SLC39A14: variants seen among roughly 807,000 people sequenced by gnomAD.
The protein encoded by SLC39A14 is metal cation symporter ZIP14.
A neutral mutation model predicts 45.5 loss-of-function variants in SLC39A14; 19 were observed. That is an observed-to-expected ratio of 0.42 (90% CI 0.29 to 0.61). SLC39A14 has a LOEUF of 0.61. Ranked by LOEUF, SLC39A14 falls within the 20% of genes least tolerant of loss-of-function variation. The pLI is 0.22. For synonymous variants in SLC39A14, 264 were observed against 251.3 expected, an observed-to-expected ratio of 1.05 and a Z score of -0.48; for missense variants, 447 against 616.5, an observed-to-expected ratio of 0.73 and a Z score of 2.91.
rs754927931 is a variant in SLC39A14 at position 22,416,289 on chromosome 8, G to T, written c.1147+9G>T. ...GTTCCCACATGAGCTAGGTAAGCGT[G>T]CGTCCCCCGTTCCACTGGTGCTCCC... On this transcript the variant is annotated intron_variant, in intron 7 of 8. Transcript: ENST00000381237. 6.2e-7 allele frequency: 1 copy of T among 1,611,796 alleles called. No homozygotes were observed. The highest frequency in any genetic ancestry group is 1.3e-5 in the African/African-American group (1 of 74,826).
At chr8:22,380,878 T>C (rs566873961) in intron 1 of SLC39A14, among the ~76,000 whole-genome samples, 13 of 152,164 alleles carry the variant, frequency 8.5e-5, no homozygotes, top group African/African-American at 2.9e-4. Flanking sequence ...GGTTTTGCCA[T>C]GTTGCGCACG....
downstream of SLC39A14, among the ~76,000 whole-genome samples, chr8:22,424,286 G>A (rs563317118): frequency 1.9e-4 from 29 of 152,250 alleles, no homozygotes; most frequent in African/African-American, 6.7e-4. Context: ...GACTTAAAAT[G>A]CTAAAGCTAT....
chr8:22,394,668 C>T (rs1488297885), intron 1 of SLC39A14, among the ~76,000 whole-genome samples: 1 of 152,128 alleles, frequency 6.6e-6, no homozygotes, highest in African/African-American at 2.4e-5. Flanking sequence ...ACCGTCAGTC[C>T]TCTTACCATA....
chr8:22,415,910 G>A lies in SLC39A14; in HGVS notation c.892G>A (p.Ala298Thr). 2 of 1,610,232 alleles carry A rather than the reference G, an allele frequency of 1.2e-6. No individual in the cohort carries two copies. Among genetic ancestry groups the A allele is most frequent in the East Asian group, 2.2e-5 (1 of 44,800 alleles). ...CTGCAGCAGTGAGCTGGACGGCAAG[G>A]CGCCCATGGTGGACGAGAAGGTCAT... ...QHCSSELDGK[A>T]PMVDEKVIVG... The change falls in exon 6 of 9, where the codon GCG (alanine) becomes ACG (threonine). Residue 298 changes from alanine to threonine, a missense_variant. Physicochemically the swap from Ala to Thr is moderately conservative, Grantham distance 58. Transcript: ENST00000381237.
At chr8:22,381,081 C>T (rs1025355463) in intron 1 of SLC39A14, among the ~76,000 whole-genome samples, 1 of 152,044 alleles carries the variant, frequency 6.6e-6, no homozygotes, top group South Asian at 2.1e-4. Context: ...TCAAGCGATT[C>T]TCCTGCCTCA....
intron 8 of SLC39A14, among the ~76,000 whole-genome samples, chr8:22,418,408 T>C (rs1836017864): frequency 6.6e-6 from 1 of 152,204 alleles, no homozygotes; most frequent in African/African-American, 2.4e-5. Context: ...GGAATGGCTG[T>C]ATATAGATAA....
In SLC39A14 at chr8:22,421,294, G is replaced by A. The variant is rs769558518; in HGVS notation, c.*1596G>A. On this transcript the variant is annotated 3_prime_UTR_variant, in exon 9 of 9. Coordinates refer to ENST00000381237, the MANE Select transcript of SLC39A14 (RefSeq NM_001128431.4). ...CTCTCAGTAATCACAAGCAGCATCC[G>A]TTTTGTTTTCTCTTCTTGGGAGACA... 3.6e-5 allele frequency: 35 copies of A among 985,800 alleles called. No homozygotes were observed. The highest frequency in any genetic ancestry group is 3.4e-4 in the East Asian group (3 of 8,820). The allele number at this position is 985,800 out of a possible 1,614,324, so 61.1% of individuals were successfully genotyped here.
At chr8:22,426,500 A>T (rs528091883), downstream of SLC39A14, among the ~76,000 whole-genome samples, 42 of 152,202 alleles carry the variant, frequency 2.8e-4, no homozygotes, top group Middle Eastern at 3.4e-3. Context: ...GACTCTCTAG[A>T]TGTTTTTCTA....
intron 3 of SLC39A14, chr8:22,410,243 G>T (rs191815220): frequency 7.3e-5 from 69 of 943,488 alleles, no homozygotes; most frequent in Non-Finnish European, 1.0e-4. Context: ...CCTGTCCCTC[G>T]TATCAAAGCC....
intron 8 of SLC39A14, among the ~76,000 whole-genome samples, chr8:22,428,573 G>A (rs978508251): frequency 2.7e-5 from 4 of 150,778 alleles, no homozygotes; most frequent in African/African-American, 9.7e-5. Context: ...CTCCTGAGTA[G>A]CTGGGATTAC....
intron 1 of SLC39A14, among the ~76,000 whole-genome samples, chr8:22,383,363 A>T (rs1443385328): frequency 6.6e-6 from 1 of 152,192 alleles, no homozygotes; most frequent in Non-Finnish European, 1.5e-5. Context: ...CCACCCGCAC[A>T]GGGATTACTG....
intron 1 of SLC39A14, among the ~76,000 whole-genome samples, chr8:22,382,154 CA>C (rs1234435289): frequency 2.0e-5 from 3 of 150,148 alleles, no homozygotes; most frequent in East Asian, 1.9e-4. Flanking sequence ...AAACAACAAC[CA>C]AAAAAAACAG....
In SLC39A14 at chr8:22,371,414, C is replaced by CTTT. The variant is rs373230777; in HGVS notation, c.-16+4041_-16+4043dup. On this transcript the variant is annotated intron_variant, in intron 1 of 8. Coordinates refer to ENST00000381237, the MANE Select transcript of SLC39A14 (RefSeq NM_001128431.4). The stretch of plus-strand genomic sequence containing the variant: ...GGATATCTAAAAAAAAAATACATGT[C>CTTT]TTTTTTTTTTTTTTTTTTTTTTTTT... Among the ~76,000 whole-genome samples, 93 of 120,118 alleles carry CTTT rather than the reference C, an allele frequency of 7.7e-4. 16 individuals are homozygous for CTTT. The highest frequency in any genetic ancestry group is 1.3e-3 in the Non-Finnish European group (66 of 49,476). The allele number at this position is 120,118 out of a possible 152,430, so 78.8% of individuals were successfully genotyped here. A position where few individuals can be genotyped will look rare whatever the true frequency, so the allele number is the denominator to read the frequency against.
intron 1 of SLC39A14, chr8:22,393,287 C>T (rs1834183660): frequency 6.2e-6 from 6 of 964,888 alleles, no homozygotes; most frequent in African/African-American, 1.8e-5. Context: ...GAGAATGGGC[C>T]GATTAAGCCC....
intron 1 of SLC39A14, among the ~76,000 whole-genome samples, chr8:22,403,302 C>T (rs543200262): frequency 1.9e-4 from 26 of 133,632 alleles, no homozygotes; most frequent in Admixed American, 1.3e-3. Context: ...TATTTTGAGA[C>T]GGAGTCTTGC....
At chr8:22,389,442 T>C (rs1586671175) in intron 1 of SLC39A14, among the ~76,000 whole-genome samples, 1 of 128,682 alleles carries the variant, frequency 7.8e-6, no homozygotes, top group South Asian at 2.4e-4. Flanking sequence ...GGGGAGGTAG[T>C]GGTACAGGAG....
intron 1 of SLC39A14, among the ~76,000 whole-genome samples, chr8:22,369,762 A>T (rs1832831402): frequency 6.6e-6 from 1 of 152,054 alleles, no homozygotes; most frequent in Non-Finnish European, 1.5e-5. Context: ...GGATGTCGTG[A>T]TTTTGCCTGG....
At position 22,415,886 on chromosome 8, in the gene SLC39A14, T is replaced by C; in HGVS notation, c.868T>C (p.Cys290Arg). ...GDLDHMIPQH[C>R]SSELDGKAPM... ...CCTGGACCACATGATTCCTCAGCAC[T>C]GCAGCAGTGAGCTGGACGGCAAGGC... Residue 290 changes from cysteine (C) to arginine (R), a missense_variant, in exon 6 of 9, where the codon TGC (cysteine) becomes CGC (arginine). By Grantham distance (180) the Cys-to-Arg change is radical (BLOSUM62 -3). Transcript: ENST00000381237. 6.2e-7 allele frequency: 1 copy of C among 1,612,900 alleles called. No individual in the cohort carries two copies. Among genetic ancestry groups the C allele is most frequent in the Non-Finnish European group, 8.5e-7 (1 of 1,179,624 alleles).
At chr8:22,385,443 G>A (rs1386974811) in intron 1 of SLC39A14, among the ~76,000 whole-genome samples, 2 of 152,210 alleles carry the variant, frequency 1.3e-5, no homozygotes, top group Admixed American at 1.3e-4. Context: ...ATGCCTGGGA[G>A]TGGGCTTTTT....
Sources: gnomAD v4.1 joint callset for allele counts (sites outside exome capture counted in the v4.1 genomes callset) on GRCh38, gnomAD v4.1.1 for gene constraint, MANE v1.5 for transcripts, NCBI Gene and HGNC (gene_info 2026-07-23, HGNC 2026-07-21) for gene names.